TXK: variants seen among roughly 807,000 people sequenced by gnomAD.
TXK encodes the protein TXK tyrosine kinase.
A neutral mutation model predicts 81.0 loss-of-function variants in TXK; 60 were observed. The ratio of observed to expected loss-of-function variants is 0.74; its 90% confidence interval spans 0.60 to 0.92. The LOEUF (loss-of-function observed/expected upper bound fraction) is 0.92, where lower values mean the gene tolerates loss of function less well. TXK is among the 40% of genes least tolerant of loss of function. TXK has a pLI of 0.00. For synonymous variants in TXK, 203 were observed against 210.7 expected, an observed-to-expected ratio of 0.96 and a Z score of 0.32; for missense variants, 581 against 638.3, an observed-to-expected ratio of 0.91 and a Z score of 0.97.
intron 9 of TXK, among the ~76,000 whole-genome samples, chr4:48,087,416 T>A (rs981817645): frequency 6.6e-6 from 1 of 151,760 alleles, no homozygotes; most frequent in African/African-American, 2.4e-5. Flanking sequence ...CTATAGAAGG[T>A]ATGTTTTATT....
At chr4:48,122,224 A>T (rs1345571982) in intron 1 of TXK, among the ~76,000 whole-genome samples, 1 of 152,236 alleles carries the variant, frequency 6.6e-6, no homozygotes, top group Non-Finnish European at 1.5e-5. Flanking sequence ...ACAAGAGCCT[A>T]TAAAATGCTC....
chr4:48,084,264 GTTTTTTTT>G (rs922054376), intron 10 of TXK, among the ~76,000 whole-genome samples: 1 of 145,518 alleles, frequency 6.9e-6, no homozygotes. Flanking sequence ...TAGTTTTTTT[GTTTTTTTT>G]TTGTAGAGAC....
At chr4:48,099,586 T>G (rs1718109467) in intron 6 of TXK, among the ~76,000 whole-genome samples, 1 of 152,138 alleles carries the variant, frequency 6.6e-6, no homozygotes, top group South Asian at 2.1e-4. Flanking sequence ...CTGAAGCTTA[T>G]ATGGACAAAA....
In TXK at chr4:48,071,605, ACGACTTGCAAATTTGACTTATTT is replaced by A; in HGVS notation, c.1404_1426del (p.Glu468AspfsTer6). The A allele has an allele frequency of 6.2e-7, 1 of 1,614,206 alleles. No individual in the cohort carries two copies. Among genetic ancestry groups the A allele is most frequent in the Non-Finnish European group, 8.5e-7 (1 of 1,180,028 alleles). On this transcript the variant is annotated frameshift_variant, in exon 14 of 15. Coordinates refer to ENST00000264316, the MANE Select transcript of TXK (RefSeq NM_003328.3). LOFTEE classifies it high-confidence loss of function. The stretch of plus-strand genomic sequence containing the variant: ...CCTGAAGCCTTCAGAAATAGCTTCC[ACGACTTGCAAATTTGACTTATTT>A]TCAAAAGGCATTTTTCCTTCTGTAA...
At chr4:48,081,686 C>G (rs1717305463) in intron 10 of TXK, among the ~76,000 whole-genome samples, 1 of 152,256 alleles carries the variant, frequency 6.6e-6, no homozygotes, top group East Asian at 1.9e-4. Flanking sequence ...TGATCACTCT[C>G]AAGTTAATAC....
At chr4:48,079,801 G>A (rs1432324278) in intron 11 of TXK, 111 bp downstream of exon 11, 8 of 819,116 alleles carry the variant, frequency 9.8e-6, no homozygotes, top group Non-Finnish European at 1.6e-5. Flanking sequence ...ATAGGTAAAT[G>A]TTTAAAAATT....
chr4:48,086,996 C>G, intron 9 of TXK, among the ~76,000 whole-genome samples: 1 of 151,580 alleles, frequency 6.6e-6, no homozygotes, highest in East Asian at 1.9e-4. Flanking sequence ...TTTTTTTTTC[C>G]TGGTGAGTAA....
intron 1 of TXK, among the ~76,000 whole-genome samples, chr4:48,126,017 C>T (rs1719080591): frequency 6.6e-6 from 1 of 152,256 alleles, no homozygotes; most frequent in African/African-American, 2.4e-5. Context: ...TTCACAGAAA[C>T]ATCCAGAATA....
chr4:48,076,611 G>T (rs1255866955), intron 11 of TXK, 145 bp from the exon 12 acceptor site: 1 of 645,078 alleles, frequency 1.6e-6, no homozygotes, highest in Non-Finnish European at 2.7e-6. Flanking sequence ...TCCATCAATG[G>T]TATAGATTCA....
At chr4:48,112,226 A>C in intron 4 of TXK, 81 bp downstream of exon 4, 55 of 1,256,604 alleles carry the variant, frequency 4.4e-5, no homozygotes, top group Non-Finnish European at 6.3e-5. Flanking sequence ...TGCAGAGGGA[A>C]GAGTTATAAG....
intron 1 of TXK, among the ~76,000 whole-genome samples, 168 bp downstream of exon 1, chr4:48,133,987 C>A (rs1719312198): frequency 6.6e-6 from 1 of 152,176 alleles, no homozygotes; most frequent in East Asian, 1.9e-4. Flanking sequence ...TACATCATCA[C>A]TGTGGTTCTT....
intron 6 of TXK, among the ~76,000 whole-genome samples, chr4:48,102,742 T>C (rs1214567302): frequency 1.3e-5 from 2 of 152,210 alleles, no homozygotes; most frequent in Non-Finnish European, 2.9e-5. Context: ...CAATTTTATA[T>C]AGTCATATGA....
At chr4:48,130,259 G>A (rs970784671) in intron 1 of TXK, among the ~76,000 whole-genome samples, 2 of 152,128 alleles carry the variant, frequency 1.3e-5, no homozygotes, top group Admixed American at 6.5e-5. Flanking sequence ...ATTATTCTGA[G>A]ACCAAATGAC....
In TXK at chr4:48,089,762, C is replaced by T; in HGVS notation, c.772G>A (p.Gly258Arg). Residue 258 changes from glycine to arginine, a missense_variant, in exon 9 of 15, where the codon GGG becomes AGG. Transcript: ENST00000264316. Reference protein sequence around the residue: ...LMGSCLPATAGFSYEKWEIDP... With the variant: ...LMGSCLPATARFSYEKWEIDP... ...GTGCACACTTTACCGTAGCTAAACC[C>T]AGCTGTGGCTGGTAAACAACTGCCC... 6.2e-7 allele frequency: 1 copy of T among 1,613,492 alleles called. No individual in the cohort carries two copies. Among genetic ancestry groups the T allele is most frequent in the Non-Finnish European group, 8.5e-7 (1 of 1,179,576 alleles).
intron 10 of TXK, among the ~76,000 whole-genome samples, chr4:48,083,037 G>C (rs1447880368): frequency 1.3e-5 from 2 of 152,238 alleles, no homozygotes; most frequent in Non-Finnish European, 2.9e-5. Flanking sequence ...GATACAGAAA[G>C]CTGTCATACT....
chr4:48,113,987 A>G (rs1196847077), intron 2 of TXK, among the ~76,000 whole-genome samples: 1 of 152,226 alleles, frequency 6.6e-6, no homozygotes, highest in Non-Finnish European at 1.5e-5. Flanking sequence ...TATAAGATAC[A>G]CCGGTAGTTT....
intron 6 of TXK, among the ~76,000 whole-genome samples, chr4:48,101,098 C>T (rs891673192): frequency 2.0e-5 from 3 of 151,972 alleles, no homozygotes; most frequent in Non-Finnish European, 4.4e-5. Flanking sequence ...TGGAAGAAAA[C>T]TTTCCAAAAT....
intron 1 of TXK, among the ~76,000 whole-genome samples, chr4:48,117,204 T>C (rs947148430): frequency 2.0e-5 from 3 of 152,082 alleles, no homozygotes; most frequent in Admixed American, 6.6e-5. Flanking sequence ...AAAGTGGAAA[T>C]CATATATGCC....
intron 14 of TXK, among the ~76,000 whole-genome samples, chr4:48,070,669 C>A (rs967343350): frequency 6.6e-6 from 1 of 151,956 alleles, no homozygotes; most frequent in African/African-American, 2.4e-5. Context: ...GCCTTTGCCT[C>A]CTGGGTTCGA....
Sources: gnomAD v4.1 joint callset for allele counts (sites outside exome capture counted in the v4.1 genomes callset) on GRCh38, gnomAD v4.1.1 for gene constraint, MANE v1.5 for transcripts, NCBI Gene and HGNC (gene_info 2026-07-23, HGNC 2026-07-21) for gene names.